Variants in PARP14 observed in about 807,000 individuals in gnomAD.
The protein encoded by PARP14 is protein mono-ADP-ribosyltransferase PARP14.
PARP14 carries 59 observed loss-of-function variants against 154.2 expected under a neutral mutation model. The ratio of observed to expected loss-of-function variants is 0.38; its 90% CI spans 0.31 to 0.48. PARP14 has a LOEUF of 0.48. PARP14 is among the 20% of genes least tolerant of loss of function. PARP14 has a pLI of 0.98. For missense variants in PARP14, 1,734 were observed against 2,131.6 expected (o/e 0.81, Z 3.67); for synonymous variants, 720 against 780.5 (o/e 0.92, Z 1.29).
intron 15 of PARP14, among the ~76,000 whole-genome samples, chr3:122,725,195 G>C (rs1933258212): frequency 6.6e-6 from 1 of 152,270 alleles, no homozygotes; most frequent in Admixed American, 6.5e-5. Context: ...CAGACGGGGT[G>C]GCTGGGCAAA....
intron 3 of PARP14, among the ~76,000 whole-genome samples, chr3:122,687,348 T>C (rs1938404707): frequency 6.6e-6 from 1 of 152,208 alleles, no homozygotes; most frequent in African/African-American, 2.4e-5. Context: ...GGAAGACACC[T>C]TGCAATAGAG....
In PARP14 at chr3:122,701,781, T is replaced by C; in HGVS notation, c.3081+146T>C. 2 of 648,738 alleles carry C rather than the reference T, an allele frequency of 3.1e-6. No homozygotes were observed. Among genetic ancestry groups the C allele is most frequent in the East Asian group, 5.5e-5 (2 of 36,398 alleles). The allele number at this position is 648,738 out of a possible 1,614,324, so 40.2% of individuals were successfully genotyped here. ...GCCTTCCACCCCTGCCTTGAAACAA[T>C]TTTCCTTAGATAATTGGGCTTCTTA... On this transcript the variant is annotated intron_variant, in intron 6 of 16. Transcript: ENST00000474629. This position sits in a 1 kb window ranked among gnomAD's most constrained non-coding sequence, Gnocchi z 4.0.
At chr3:122,695,746 G>T in intron 5 of PARP14, 84 bp downstream of exon 5, 2 of 649,314 alleles carry the variant, frequency 3.1e-6, no homozygotes, top group Non-Finnish European at 5.4e-6. Flanking sequence ...GTTCTGATGT[G>T]TTTTATTTGT....
chr3:122,688,659 G>T (rs561401544), intron 3 of PARP14, among the ~76,000 whole-genome samples: 2 of 152,302 alleles, frequency 1.3e-5, no homozygotes, highest in Admixed American at 1.3e-4. Flanking sequence ...TTGGAATGGG[G>T]TAGACAGTTT....
intron 15 of PARP14, chr3:122,720,967 C>A: frequency 3.0e-6 from 1 of 330,264 alleles, no homozygotes; most frequent in Non-Finnish European, 6.0e-6. Flanking sequence ...ATTATTTTGG[C>A]ATCTTCTTCC....
chr3:122,687,331 G>A (rs1295681285), intron 3 of PARP14, among the ~76,000 whole-genome samples: 2 of 152,188 alleles, frequency 1.3e-5, no homozygotes, highest in African/African-American at 2.4e-5. Flanking sequence ...TGCTCTCTCT[G>A]GGGACTGGAA....
At chr3:122,710,556 TGTGAA>T (rs1939292442) in intron 9 of PARP14, among the ~76,000 whole-genome samples, 1 of 152,100 alleles carries the variant, frequency 6.6e-6, no homozygotes, top group African/African-American at 2.4e-5. Flanking sequence ...TTTGGTTCCA[TGTGAA>T]TTTTAGGATT....
At chr3:122,710,106 T>TGGGGTCTTA (rs1939276827) in intron 9 of PARP14, among the ~76,000 whole-genome samples, 1 of 152,202 alleles carries the variant, frequency 6.6e-6, no homozygotes, top group Non-Finnish European at 1.5e-5. Flanking sequence ...CATTTGCTTT[T>TGGGGTCTTA]GGGGTCTTAG....
chr3:122,718,592 A>T lies in PARP14; in HGVS notation c.4441A>T (p.Lys1481Ter). 1 of 1,613,986 alleles carries T rather than the reference A, an allele frequency of 6.2e-7. No individual in the cohort carries two copies. Among genetic ancestry groups the T allele is most frequent in the Non-Finnish European group, 8.5e-7 (1 of 1,179,876 alleles). The change falls in exon 14 of 17, where the codon AAG (lysine) becomes TAG (stop). Residue 1481 changes from lysine (K) to a stop codon, truncating the protein, a stop_gained. Transcript: ENST00000474629. LOFTEE classifies it high-confidence loss of function. ...TCAGGAGTTGAATGAGCTGCAGAAG[A>T]AGTTAAATATTAACATTTCCCTGGA... is the stretch of plus-strand genomic sequence containing the variant. ...EYQELNELQK[K>*]LNINISLDHK... is the part of the protein sequence containing the mutation.
intron 15 of PARP14, chr3:122,721,221 T>C (rs1933159678): frequency 4.2e-6 from 1 of 235,342 alleles, no homozygotes; most frequent in Non-Finnish European, 8.4e-6. Context: ...TCAATGTCAA[T>C]AGCTCCCAAA....
intron 15 of PARP14, chr3:122,722,391 T>G (rs1933183798): frequency 6.6e-6 from 1 of 152,214 alleles, no homozygotes; most frequent in Admixed American, 6.5e-5. Context: ...AGTGGCTGAT[T>G]GGCACATTGT....
intron 15 of PARP14, among the ~76,000 whole-genome samples, chr3:122,724,455 C>A (rs532909102): frequency 3.4e-5 from 5 of 148,610 alleles, no homozygotes; most frequent in South Asian, 2.1e-4. Context: ...CATGCCACCA[C>A]GCCTATTTTT....
At position 122,692,451 on chromosome 3, in the gene PARP14, T is replaced by C; in HGVS notation, c.506T>C (p.Val169Ala). Residue 169 changes from valine (V) to alanine (A), a missense_variant, in exon 4 of 17, where the codon GTG (valine) becomes GCG (alanine). Physicochemically the swap from Val to Ala is moderately conservative, Grantham distance 64. This residue lies in a region of PARP14 where 1,646 missense variants were observed against 1,976.0 expected (regional missense o/e 0.83). Transcript: ENST00000474629. ...NVTDIMLILL[V>A]ENISGLSNDD... ...ACTGACATAATGCTAATCTTGTTAG[T>C]GGAGAACATAAGTGGCCTGTCTAAT... 1.2e-6 allele frequency: 2 copies of C among 1,613,696 alleles called. No homozygotes were observed. The highest frequency in any genetic ancestry group is 1.7e-6 in the Non-Finnish European group (2 of 1,179,664).
At chr3:122,713,189 G>A (rs550549775) in intron 9 of PARP14, among the ~76,000 whole-genome samples, 4 of 152,268 alleles carry the variant, frequency 2.6e-5, no homozygotes, top group African/African-American at 7.2e-5. Context: ...GCTATAGTAC[G>A]CTAACTTCAC....
chr3:122,688,159 A>C (rs936707729), intron 3 of PARP14, among the ~76,000 whole-genome samples: 1 of 151,852 alleles, frequency 6.6e-6, no homozygotes, highest in Non-Finnish European at 1.5e-5. Flanking sequence ...CCCAGCTCCC[A>C]GTGTTTGTCG....
intron 2 of PARP14, among the ~76,000 whole-genome samples, chr3:122,685,540 C>T (rs1213784168): frequency 2.0e-5 from 3 of 148,008 alleles, no homozygotes; most frequent in Admixed American, 6.7e-5. Context: ...GACGGAGTCT[C>T]GCTCTGTCAA....
chr3:122,722,987 G>C (rs894570794), intron 15 of PARP14, among the ~76,000 whole-genome samples: 4 of 150,472 alleles, frequency 2.7e-5, no homozygotes, highest in African/African-American at 9.8e-5. Context: ...CCAGGCTGGA[G>C]TGCAGTGGCG....
intron 1 of PARP14, among the ~76,000 whole-genome samples, chr3:122,682,268 G>A (rs1192319531): frequency 1.3e-5 from 2 of 152,124 alleles, no homozygotes; most frequent in Non-Finnish European, 2.9e-5. Flanking sequence ...GACTTCAGAG[G>A]TCAGCATCAC....
At chr3:122,698,808 A>T (rs1238424064) in intron 5 of PARP14, among the ~76,000 whole-genome samples, 4 of 152,214 alleles carry the variant, frequency 2.6e-5, no homozygotes, top group Non-Finnish European at 1.5e-5. Context: ...AATCTAAGTC[A>T]ACTTTGAAGC....
Sources: gnomAD v4.1 joint callset for allele counts (sites outside exome capture counted in the v4.1 genomes callset) on GRCh38, gnomAD v4.1.1 for gene constraint, gnomAD v4.1.1 regional missense constraint, Gnocchi (gnomAD v3.1) non-coding constraint, MANE v1.5 for transcripts, NCBI Gene and HGNC (gene_info 2026-07-23, HGNC 2026-07-21) for gene names.